Variants in ZRANB3 observed in about 807,000 individuals in gnomAD.
The protein encoded by ZRANB3 is DNA annealing helicase and endonuclease ZRANB3.
In ZRANB3, 125 loss-of-function variants were observed where a neutral mutation model predicts 133.8. The observed-to-expected ratio is 0.93, with a 90% CI of 0.81 to 1.08. The LOEUF (loss-of-function observed/expected upper bound fraction) is 1.08, where lower values mean the gene tolerates loss of function less well. Among genes scored for constraint, ZRANB3 ranks in the 50% least tolerant of loss-of-function variants. The pLI, the probability that ZRANB3 is intolerant of heterozygous loss-of-function variation, is 0.00. For missense variants in ZRANB3, 1,229 were observed against 1,275.5 expected (o/e 0.96, Z 0.56); for synonymous variants, 387 against 432.7 (o/e 0.89, Z 1.31).
chr2:135,241,093 T>A (rs911399063), intron 12 of ZRANB3, among the ~76,000 whole-genome samples: 3 of 152,208 alleles, frequency 2.0e-5, no homozygotes, highest in African/African-American at 4.8e-5. Context: ...ACCTTATTAA[T>A]TTTGAATACT....
At chr2:135,297,293 A>G (rs1166047888) in intron 8 of ZRANB3, among the ~76,000 whole-genome samples, 3 of 152,138 alleles carry the variant, frequency 2.0e-5, no homozygotes, top group Non-Finnish European at 2.9e-5. Flanking sequence ...CCCCTCCCCC[A>G]GCCTCGCTGC....
In ZRANB3 at chr2:135,231,055, A is replaced by T. The variant is rs569758276; in HGVS notation, c.1540-128T>A. 1.4e-5 allele frequency: 10 copies of T among 726,708 alleles called. No homozygotes were observed. The African/African-American group carries it at 1.8e-4, about 13-fold the overall frequency. 45.0% of individuals were successfully genotyped at this position (726,708 alleles called of 1,614,324 possible). Reference sequence around the variant, plus strand: ...TCCTTTAAATACCTTTTGGAAATGAATTCATTATGCTCTGACTCTTCATAT... The same window carrying T: ...TCCTTTAAATACCTTTTGGAAATGATTTCATTATGCTCTGACTCTTCATAT... On this transcript the variant is annotated intron_variant, in intron 12 of 20. Transcript: ENST00000264159.
intron 2 of ZRANB3, among the ~76,000 whole-genome samples, chr2:135,406,080 C>T (rs1454720904): frequency 1.3e-5 from 2 of 151,888 alleles, no homozygotes; most frequent in African/African-American, 2.4e-5. Flanking sequence ...GCTAGCAAGA[C>T]TAATAAAGAA....
At chr2:135,475,251 A>G (rs932997838) in intron 2 of ZRANB3, among the ~76,000 whole-genome samples, 38 of 152,184 alleles carry the variant, frequency 2.5e-4, no homozygotes, top group African/African-American at 7.0e-4. Context: ...CACAGTCTGT[A>G]CTTACACATG....
chr2:135,411,432 A>C (rs1170228494), intron 2 of ZRANB3, among the ~76,000 whole-genome samples: 1 of 152,128 alleles, frequency 6.6e-6, no homozygotes, highest in African/African-American at 2.4e-5. Flanking sequence ...ATCCATAGCA[A>C]AAGAAATTGT....
At chr2:135,318,213 TG>T (rs1210204948) in intron 6 of ZRANB3, among the ~76,000 whole-genome samples, 131 of 12,872 alleles carry the variant, frequency 0.01, no homozygotes, top group Middle Eastern at 0.083. Context: ...CACACTATTT[TG>T]TGTGTGTGTG....
intron 1 of ZRANB3, among the ~76,000 whole-genome samples, chr2:135,527,429 C>A (rs1694208630): frequency 6.6e-6 from 1 of 151,992 alleles, no homozygotes. Context: ...CATGATGGTG[C>A]ATGCCTATAA....
intron 3 of ZRANB3, among the ~76,000 whole-genome samples, chr2:135,382,274 G>A (rs536832076): frequency 5.9e-5 from 9 of 152,234 alleles, no homozygotes; most frequent in South Asian, 4.1e-4. Context: ...GAAATGAAGC[G>A]AGAAGAGAAG....
chr2:135,427,920 CAACAAAGTT>C (rs1251722527), intron 2 of ZRANB3, among the ~76,000 whole-genome samples: 6 of 152,138 alleles, frequency 3.9e-5, no homozygotes, highest in African/African-American at 1.4e-4. Context: ...ATCTGATCTT[CAACAAAGTT>C]AACAAAAAAA....
At chr2:135,354,266 C>T (rs1685333901) in intron 3 of ZRANB3, among the ~76,000 whole-genome samples, 1 of 152,148 alleles carries the variant, frequency 6.6e-6, no homozygotes, top group African/African-American at 2.4e-5. Context: ...CAGCACAAAA[C>T]CATGTTATTT....
chr2:135,291,753 A>G (rs946041328), intron 8 of ZRANB3, among the ~76,000 whole-genome samples: 1 of 105,150 alleles, frequency 9.5e-6, no homozygotes, highest in Non-Finnish European at 1.9e-5. Context: ...CCCTTCCCCC[A>G]CCCCACAACA....
chr2:135,294,889 C>A (rs868647801), intron 8 of ZRANB3, among the ~76,000 whole-genome samples: 1 of 152,136 alleles, frequency 6.6e-6, no homozygotes, highest in Non-Finnish European at 1.5e-5. Context: ...TGTTCAGTTT[C>A]CACGTAGTTG....
intron 3 of ZRANB3, among the ~76,000 whole-genome samples, chr2:135,356,870 A>T (rs1429833172): frequency 6.6e-6 from 1 of 151,354 alleles, no homozygotes; most frequent in Non-Finnish European, 1.5e-5. Flanking sequence ...ATGCCCAGCT[A>T]TTTTTTTTGG....
At chr2:135,389,014 C>T (rs1687106323) in intron 3 of ZRANB3, among the ~76,000 whole-genome samples, 1 of 152,088 alleles carries the variant, frequency 6.6e-6, no homozygotes, top group Non-Finnish European at 1.5e-5. Context: ...GGAGGCGAAC[C>T]TTGCAGTGAG....
chr2:135,226,029 C>A (rs1694749021), intron 14 of ZRANB3, among the ~76,000 whole-genome samples: 1 of 152,162 alleles, frequency 6.6e-6, no homozygotes, highest in Admixed American at 6.5e-5. Flanking sequence ...GATGATGTGG[C>A]CTGGCCTGGG....
At chr2:135,369,556 C>G (rs1205661309) in intron 3 of ZRANB3, among the ~76,000 whole-genome samples, 1 of 145,792 alleles carries the variant, frequency 6.9e-6, no homozygotes, top group East Asian at 2.0e-4. Context: ...AGCTAAGAAT[C>G]AAGAAAAGTC....
intron 12 of ZRANB3, among the ~76,000 whole-genome samples, chr2:135,251,927 C>T (rs577076270): frequency 2.0e-5 from 3 of 152,140 alleles, no homozygotes; most frequent in Admixed American, 6.6e-5. Context: ...CCCAGCTACT[C>T]GGGAGGCTGA....
chr2:135,425,118 A>G (rs1192427876), intron 2 of ZRANB3, among the ~76,000 whole-genome samples: 1 of 152,236 alleles, frequency 6.6e-6, no homozygotes, highest in Non-Finnish European at 1.5e-5. Flanking sequence ...CTGTTAATCA[A>G]ATGTTAGAGT....
intron 2 of ZRANB3, among the ~76,000 whole-genome samples, chr2:135,488,209 A>C (rs545743036): frequency 1.1e-4 from 16 of 152,312 alleles, no homozygotes; most frequent in African/African-American, 3.8e-4. Context: ...ATCTTATATG[A>C]ATTGGTATCA....
Sources: allele counts gnomAD v4.1 joint callset (sites outside exome capture counted in the v4.1 genomes callset), GRCh38; gene constraint gnomAD v4.1.1; transcripts MANE v1.5; gene names NCBI Gene and HGNC (gene_info 2026-07-23, HGNC 2026-07-21).